AIF1L: variants seen among roughly 807,000 people sequenced by gnomAD.
AIF1L encodes the protein allograft inflammatory factor 1-like.
In AIF1L, 12 loss-of-function variants were observed where a neutral mutation model predicts 20.7. That is an observed-to-expected ratio of 0.58 (90% confidence interval 0.37 to 0.94). The LOEUF is 0.94. Ranked by LOEUF, AIF1L falls within the 40% of genes least tolerant of loss-of-function variation. The pLI is 0.01. For synonymous variants in AIF1L, 76 were observed against 65.1 expected (o/e 1.17, Z -0.81); for missense variants, 173 against 185.3 (o/e 0.93, Z 0.39).
chr9:131,111,709 G>T lies in AIF1L; in HGVS notation c.160+46G>T, dbSNP rs1395778188. The T allele has an allele frequency of 2.5e-6, 4 of 1,580,694 alleles. No homozygotes were observed. The East Asian group carries it at 8.9e-5, about 35-fold the overall frequency. ...CTGCATTTATTCCTGGGGGAGGTGG[G>T]CTGGCCCCTCATCCTTGCACACAGG... On this transcript the variant is annotated intron_variant, in intron 3 of 5. Coordinates refer to ENST00000247291, the MANE Select transcript of AIF1L (RefSeq NM_031426.4).
At chr9:131,096,720 C>A in intron 1 of AIF1L, 60 bp downstream of exon 1, 1 of 1,449,518 alleles carries the variant, frequency 6.9e-7, no homozygotes, top group Non-Finnish European at 9.0e-7. Flanking sequence ...CGGGGTCCAC[C>A]GCGCGCGGGA....
rs73658926 is a variant in AIF1L, at chr9:131,102,745, A to G, written c.93+5882A>G. On this transcript the variant is annotated intron_variant, in intron 2 of 5. Coordinates refer to ENST00000247291, the MANE Select transcript of AIF1L (RefSeq NM_031426.4). ...TGCACATTACAGGCTTCTGCTACTC[A>G]CCAGGTGCCAGCACCACTTGTGGCC... 2,888 of 366,460 alleles carry G rather than the reference A, an allele frequency of 7.9e-3. 86 individuals are homozygous for G. The highest frequency in any genetic ancestry group is 0.058 in the African/African-American group (2,740 of 47,180). 22.7% of individuals were successfully genotyped at this position (366,460 alleles called of 1,614,324 possible). A position where few individuals can be genotyped will look rare whatever the true frequency, so the allele number is the denominator to read the frequency against.
intron 3 of AIF1L, chr9:131,111,869 C>A: frequency 1.7e-6 from 1 of 580,634 alleles, no homozygotes. Context: ...CCCCTGCGGG[C>A]CCCGTCACCC....
intron 2 of AIF1L, among the ~76,000 whole-genome samples, chr9:131,107,672 A>G (rs1186058417): frequency 6.6e-6 from 1 of 152,242 alleles, no homozygotes; most frequent in Non-Finnish European, 1.5e-5. Context: ...GTCAATGGCC[A>G]TTGTTTAAAA....
chr9:131,114,687 G>C, intron 4 of AIF1L, 69 bp downstream of exon 4: 1 of 1,579,000 alleles, frequency 6.3e-7, no homozygotes, highest in Non-Finnish European at 8.7e-7. Flanking sequence ...GGGACCCTCT[G>C]TGCGGGTGAG....
At chr9:131,118,615 C>G (rs1266786048) in intron 5 of AIF1L, among the ~76,000 whole-genome samples, 1 of 147,962 alleles carries the variant, frequency 6.8e-6, no homozygotes, top group Non-Finnish European at 1.5e-5. Context: ...GACATGATCT[C>G]AGCTCACTGC....
intron 2 of AIF1L, among the ~76,000 whole-genome samples, chr9:131,105,546 T>C (rs1305145279): frequency 6.6e-6 from 1 of 152,046 alleles, no homozygotes. Flanking sequence ...GATTTCACCA[T>C]GTTGGCCAGG....
rs998752151 is a variant in AIF1L, at chr9:131,120,841, C to T, written c.*519C>T. 7 of 439,406 alleles carry T rather than the reference C, an allele frequency of 1.6e-5. No individual in the cohort carries two copies. The South Asian group carries it at 2.2e-4, about 14-fold the overall frequency. The allele number at this position is 439,406 out of a possible 1,614,324, so 27.2% of individuals were successfully genotyped here. ...CCCAGGACACAGCCACTCGGGGCCC[C>T]GCTGCCCCAGCTGATCCCCACTCAT... On this transcript the variant is annotated 3_prime_UTR_variant, in exon 6 of 6. Coordinates refer to ENST00000247291, the MANE Select transcript of AIF1L (RefSeq NM_031426.4).
chr9:131,112,234 C>T (rs961544813), intron 3 of AIF1L: 3 of 154,790 alleles, frequency 1.9e-5, no homozygotes, highest in Non-Finnish European at 4.3e-5. Flanking sequence ...GCCAGCACCT[C>T]GAAAGGAGAG....
chr9:131,104,771 A>T lies in AIF1L; in HGVS notation c.94-6826A>T, dbSNP rs1402228063. ...TTGCTGGCCGGGTGCGGTGGCTCATACTTGTAATCCCAGCACTTTGGGATG... is the reference window on the plus strand; with the variant it reads ...TTGCTGGCCGGGTGCGGTGGCTCATTCTTGTAATCCCAGCACTTTGGGATG... On this transcript the variant is annotated intron_variant, in intron 2 of 5. Transcript: ENST00000247291. Among the ~76,000 whole-genome samples the T allele has an allele frequency of 2.6e-5, 4 of 152,146 alleles. No individual in the cohort carries two copies. The South Asian group carries it at 6.2e-4, about 24-fold the overall frequency.
At chr9:131,103,115 TG>T in intron 2 of AIF1L, 1 of 393,340 alleles carries the variant, frequency 2.5e-6, no homozygotes, top group South Asian at 1.8e-5. Context: ...GCATAGCACT[TG>T]GGGGCCTCGC....
rs1017424078 is a variant in AIF1L, at chr9:131,120,921, C to A, written c.*599C>A. 58 of 501,838 alleles carry A rather than the reference C, an allele frequency of 1.2e-4. No homozygotes were observed. The highest frequency in any genetic ancestry group is 1.1e-3 in the African/African-American group (58 of 51,304). 31.1% of individuals were successfully genotyped at this position (501,838 alleles called of 1,614,324 possible). On this transcript the variant is annotated 3_prime_UTR_variant, in exon 6 of 6. Coordinates refer to ENST00000247291, the MANE Select transcript of AIF1L (RefSeq NM_031426.4). ...GAAGGTGGGAAGGAAAGGAGCTTGG[C>A]ATTGGGAGCCCTTCAAGAAGGTACC...
Position 131,117,857 on chromosome 9 carries a change from A to G in AIF1L, c.304A>G (p.Thr102Ala). 1.9e-6 allele frequency: 3 copies of G among 1,614,084 alleles called. No individual in the cohort carries two copies. Among genetic ancestry groups the G allele is most frequent in the East Asian group, 2.2e-5 (1 of 44,886 alleles). The change falls in exon 5 of 6, where the codon ACT becomes GCT. Residue 102 changes from threonine to alanine, a missense_variant. Coordinates refer to ENST00000247291, the MANE Select transcript of AIF1L (RefSeq NM_031426.4). Reference sequence around the variant, plus strand: ...AGAGGTGACAGGAGGGGTCAGTGACACTATATCCTACCGAGACTTTGTGAA... The same window carrying G: ...AGAGGTGACAGGAGGGGTCAGTGACGCTATATCCTACCGAGACTTTGTGAA... ...ISEVTGGVSD[T>A]ISYRDFVNMM...
chr9:131,107,167 C>T (rs535723025), intron 2 of AIF1L, among the ~76,000 whole-genome samples: 1 of 152,174 alleles, frequency 6.6e-6, no homozygotes, highest in African/African-American at 2.4e-5. Context: ...AGGGAGAGAA[C>T]CACGCAGATC....
chr9:131,099,717 G>C (rs1830596627), intron 2 of AIF1L, among the ~76,000 whole-genome samples: 1 of 148,654 alleles, frequency 6.7e-6, no homozygotes, highest in South Asian at 2.1e-4. Flanking sequence ...GGGCAGGGTA[G>C]CTCAGCCTTA....
rs896535616 is a variant in AIF1L at position 131,096,645 on chromosome 9, A to G, written c.16A>G (p.Ser6Gly). MSGELSNRFQGGKAFG... is the reference protein window; with the variant it reads MSGELGNRFQGGKAFG... ...CGCGCTCGCCATGTCGGGCGAGCTC[A>G]GCAACAGGTTCCAAGGTAGGCGCCG... is the stretch of plus-strand genomic sequence containing the variant. Residue 6 changes from serine to glycine, a missense_variant, in exon 1 of 6, where the codon AGC becomes GGC. Coordinates refer to ENST00000247291, the MANE Select transcript of AIF1L (RefSeq NM_031426.4). 6.7e-7 allele frequency: 1 copy of G among 1,485,706 alleles called. No individual in the cohort carries two copies. Among genetic ancestry groups the G allele is most frequent in the Non-Finnish European group, 8.9e-7 (1 of 1,125,924 alleles). The allele number at this position is 1,485,706 out of a possible 1,614,324, so 92.0% of individuals were successfully genotyped here.
chr9:131,120,465 A>AG lies in AIF1L; in HGVS notation c.*144dup. 1.4e-6 allele frequency: 1 copy of AG among 702,242 alleles called. No individual in the cohort carries two copies. The highest frequency in any genetic ancestry group is 3.0e-5 in the East Asian group (1 of 33,452). 43.5% of individuals were successfully genotyped at this position (702,242 alleles called of 1,614,324 possible). ...TGTGTTTTCATCAATGTCTTTGTAA[A>AG]GCACAAATTATCTGCCTTAAAGGGG... On this transcript the variant is annotated 3_prime_UTR_variant, in exon 6 of 6. Coordinates refer to ENST00000247291, the MANE Select transcript of AIF1L (RefSeq NM_031426.4).
intron 3 of AIF1L, 185 bp from the exon 4 acceptor site, chr9:131,114,392 G>C: frequency 1.6e-6 from 1 of 634,572 alleles, no homozygotes; most frequent in South Asian, 1.7e-5. Flanking sequence ...GTCCAGGCAG[G>C]ATGAGCTCTT....
In AIF1L at chr9:131,097,825, G is replaced by T. The variant is rs1195136160; in HGVS notation, c.93+962G>T. Among the ~76,000 whole-genome samples, 2 of 152,380 alleles carry T rather than the reference G, an allele frequency of 1.3e-5. 1 individual carries two copies. The highest frequency in any genetic ancestry group is 3.9e-4 in the East Asian group (2 of 5,192). On this transcript the variant is annotated intron_variant, in intron 2 of 5. Transcript: ENST00000247291. ...GCATTGTGCAGGCTCAGAGAGGGAA[G>T]GCCCGTGGCCTGCATGGCCCAGCAC...
Sources: gnomAD v4.1 joint callset for allele counts (sites outside exome capture counted in the v4.1 genomes callset) on GRCh38, gnomAD v4.1.1 for gene constraint, MANE v1.5 for transcripts, NCBI Gene and HGNC (gene_info 2026-07-23, HGNC 2026-07-21) for gene names.